Variants in MAGEA1 observed in about 807,000 individuals in gnomAD.
MAGEA1 encodes the protein MAGE family member A1, also known as melanoma-associated antigen 1.
For missense variants in MAGEA1, 182 were observed against 233.7 expected (o/e 0.78, Z 1.44); for synonymous variants, 101 against 96.7 (o/e 1.04, Z -0.26).
chrX:153,180,283 C>T (rs1556943781), intron 1 of MAGEA1, among the ~76,000 whole-genome samples: 2 of 111,450 alleles, frequency 1.8e-5, no homozygotes, highest in Non-Finnish European at 3.8e-5. Context: ...CATCAAGGTC[C>T]AGGCATCCGC....
chrX:153,183,238 G>T lies in MAGEA1; in HGVS notation c.849G>T (p.Val283=), dbSNP rs782214863. 1 of 1,210,749 alleles carries T rather than the reference G, an allele frequency of 8.3e-7. No individual in the cohort carries two copies. The highest frequency in any genetic ancestry group is 1.1e-6 in the Non-Finnish European group (1 of 895,260). Residue 283 remains valine, a synonymous_variant, in exon 3 of 3, where the codon GTG becomes GTT. Coordinates refer to ENST00000356661, the MANE Select transcript of MAGEA1 (RefSeq NM_004988.5). ...ETSYVKVLEY[V]IKVSARVRFF... Reference sequence around the variant, plus strand: ...GCTATGTGAAAGTCCTTGAGTATGTGATCAAGGTCAGTGCAAGAGTTCGCT... The same window carrying T: ...GCTATGTGAAAGTCCTTGAGTATGTTATCAAGGTCAGTGCAAGAGTTCGCT...
intron 1 of MAGEA1, among the ~76,000 whole-genome samples, chrX:153,179,820 GC>G (rs2051483648): frequency 1.9e-5 from 2 of 104,052 alleles, no homozygotes; most frequent in African/African-American, 7.1e-5. Context: ...CACCCTCACT[GC>G]CCCCAACCCC....
At position 153,182,928 on chromosome X, in the gene MAGEA1, A is replaced by G; in HGVS notation, c.539A>G (p.Asp180Gly). The G allele has an allele frequency of 8.3e-7, 1 of 1,211,784 alleles. No individual in the cohort carries two copies. Among genetic ancestry groups the G allele is most frequent in the African/African-American group, 1.7e-5 (1 of 57,781 alleles). ...VLVTCLGLSY[D>G]GLLGDNQIMP... ...GTCACCTGCCTAGGTCTCTCCTATG[A>G]TGGCCTGCTGGGTGATAATCAGATC... is the stretch of plus-strand genomic sequence containing the variant. Residue 180 changes from aspartate to glycine, a missense_variant, in exon 3 of 3, where the codon GAT becomes GGT. Coordinates refer to ENST00000356661, the MANE Select transcript of MAGEA1 (RefSeq NM_004988.5).
Position 153,180,792 on chromosome X carries a change from C to T in MAGEA1, c.-138-1385C>T, listed in dbSNP as rs371205669. On this transcript the variant is annotated intron_variant, in intron 1 of 2. Transcript: ENST00000356661. The stretch of plus-strand genomic sequence containing the variant: ...TCCAGGGCACGGTGGCCACATATGG[C>T]CCATATTTCCTGCATCTTTGAGGTG... Among the ~76,000 whole-genome samples the T allele has an allele frequency of 1.1e-4, 12 of 111,308 alleles. No individual in the cohort carries two copies. The East Asian group carries it at 2.9e-3, about 27-fold the overall frequency.
chrX:153,180,020 G>A (rs183763083), intron 1 of MAGEA1, among the ~76,000 whole-genome samples: 2 of 108,420 alleles, frequency 1.8e-5, no homozygotes, highest in Non-Finnish European at 3.8e-5. Flanking sequence ...TCCACTGAGG[G>A]GAGTGGTTTT....
intron 1 of MAGEA1, among the ~76,000 whole-genome samples, chrX:153,181,464 C>T (rs781982286): frequency 9.9e-5 from 11 of 111,530 alleles, no homozygotes; most frequent in Non-Finnish European, 1.7e-4. Context: ...TGGGCTGGGC[C>T]GTCTGCCGAG....
Position 153,182,774 on chromosome X carries a change from C to T in MAGEA1, c.385C>T (p.Leu129=). 8.3e-7 allele frequency: 1 copy of T among 1,211,864 alleles called. No homozygotes were observed. ...GGAGCCAGTCACAAAGGCAGAAATGCTGGAGAGTGTCATCAAAAATTACAA... is the reference window on the plus strand; with the variant it reads ...GGAGCCAGTCACAAAGGCAGAAATGTTGGAGAGTGTCATCAAAAATTACAA... ...AREPVTKAEM[L]ESVIKNYKHC... is the part of the protein sequence containing the mutation. The change falls in exon 3 of 3, where the codon CTG becomes TTG. Residue 129 remains leucine (L), a synonymous_variant. Coordinates refer to ENST00000356661, the MANE Select transcript of MAGEA1 (RefSeq NM_004988.5).
intron 1 of MAGEA1, among the ~76,000 whole-genome samples, chrX:153,181,717 C>T (rs2051494584): frequency 8.9e-6 from 1 of 111,812 alleles, no homozygotes; most frequent in African/African-American, 3.3e-5. Flanking sequence ...CATTCCTTAT[C>T]ATGGATGTGA....
In MAGEA1 at chrX:153,183,342, G is replaced by T; in HGVS notation, c.*23G>T. On this transcript the variant is annotated 3_prime_UTR_variant, in exon 3 of 3. Coordinates refer to ENST00000356661, the MANE Select transcript of MAGEA1 (RefSeq NM_004988.5). ...TGAGCATGAGTTGCAGCCAAGGCCAGTGGGAGGGGGACTGGGCCAGTGCAC... is the reference window on the plus strand; with the variant it reads ...TGAGCATGAGTTGCAGCCAAGGCCATTGGGAGGGGGACTGGGCCAGTGCAC... 1 of 1,189,043 alleles carries T rather than the reference G, an allele frequency of 8.4e-7. No homozygotes were observed. Among genetic ancestry groups the T allele is most frequent in the Non-Finnish European group, 1.1e-6 (1 of 881,295 alleles).
Position 153,182,464 on chromosome X carries a change from G to T in MAGEA1, c.75G>T (p.Leu25=). 1 of 1,211,232 alleles carries T rather than the reference G, an allele frequency of 8.3e-7. No homozygotes were observed. The highest frequency in any genetic ancestry group is 2.2e-5 in the Admixed American group (1 of 46,067). The change falls in exon 3 of 3, where the codon CTG becomes CTT. Residue 25 remains leucine, a synonymous_variant. Transcript: ENST00000356661. ...ALEAQQEALG[L]VCVQAATSSS... ...AGGCCCAACAAGAGGCCCTGGGCCT[G>T]GTGTGTGTGCAGGCTGCCACCTCCT...
intron 1 of MAGEA1, among the ~76,000 whole-genome samples, chrX:153,180,697 G>A (rs1602750527): frequency 1.8e-5 from 2 of 111,862 alleles, no homozygotes; most frequent in Non-Finnish European, 3.8e-5. Flanking sequence ...CAAGGCTTAC[G>A]CGGAGGAAGA....
rs1283658297 is a variant in MAGEA1, at chrX:153,182,655, G to A, written c.266G>A (p.Ser89Asn). ...GSSSREEEGP[S>N]TSCILESLFR... ...AGCAGCCGTGAAGAGGAGGGGCCAA[G>A]CACCTCTTGTATCCTGGAGTCCTTG... The change falls in exon 3 of 3, where the codon AGC (serine) becomes AAC (asparagine). Residue 89 changes from serine (S) to asparagine (N), a missense_variant. Ser to Asn is a conservative substitution (Grantham distance 46, BLOSUM62 1). Coordinates refer to ENST00000356661, the MANE Select transcript of MAGEA1 (RefSeq NM_004988.5). The A allele has an allele frequency of 1.7e-6, 2 of 1,210,272 alleles. No individual in the cohort carries two copies. The highest frequency in any genetic ancestry group is 2.2e-6 in the Non-Finnish European group (2 of 895,255).
intron 2 of MAGEA1, 30 bp downstream of exon 2, chrX:153,182,279 G>T (rs1405251847): frequency 2.0e-6 from 2 of 993,415 alleles, no homozygotes; most frequent in Non-Finnish European, 2.9e-6. Context: ...AGTCTCCAAG[G>T]TTCAGTTCTC....
At chrX:153,181,111 G>C (rs1319814931) in intron 1 of MAGEA1, among the ~76,000 whole-genome samples, 6 of 110,566 alleles carry the variant, frequency 5.4e-5, no homozygotes, top group African/African-American at 2.0e-4. Context: ...GGGAATTGGG[G>C]GTTGAGGAAG....
At position 153,182,267 on chromosome X, in the gene MAGEA1, A is replaced by T; in HGVS notation, c.-66+18A>T. The stretch of plus-strand genomic sequence containing the variant: ...GAAGATCTGTAAGTAGGCCTTTGTT[A>T]GAGTCTCCAAGGTTCAGTTCTCAGC... On this transcript the variant is annotated intron_variant, in intron 2 of 2. Coordinates refer to ENST00000356661, the MANE Select transcript of MAGEA1 (RefSeq NM_004988.5). 1 of 988,080 alleles carries T rather than the reference A, an allele frequency of 1.0e-6. No individual in the cohort carries two copies. Among genetic ancestry groups the T allele is most frequent in the Non-Finnish European group, 1.4e-6 (1 of 693,226 alleles). The allele number at this position is 988,080 out of a possible 1,213,427, so 81.4% of individuals were successfully genotyped here.
In MAGEA1 at chrX:153,182,482, C is replaced by A; in HGVS notation, c.93C>A (p.Ala31=). Residue 31 remains alanine, a synonymous_variant, in exon 3 of 3, where the codon GCC becomes GCA. Coordinates refer to ENST00000356661, the MANE Select transcript of MAGEA1 (RefSeq NM_004988.5). ...TGGGCCTGGTGTGTGTGCAGGCTGC[C>A]ACCTCCTCCTCCTCTCCTCTGGTCC... ...EALGLVCVQA[A]TSSSSPLVLG... is the part of the protein sequence containing the mutation. 8.3e-7 allele frequency: 1 copy of A among 1,209,514 alleles called. No individual in the cohort carries two copies. The highest frequency in any genetic ancestry group is 1.1e-6 in the Non-Finnish European group (1 of 894,014).
At chrX:153,181,150 T>G (rs2051490915) in intron 1 of MAGEA1, among the ~76,000 whole-genome samples, 1 of 110,085 alleles carries the variant, frequency 9.1e-6, no homozygotes, top group African/African-American at 3.3e-5. Flanking sequence ...TAAAGATGAG[T>G]GAGACAGACA....
Position 153,182,619 on chromosome X carries a change from G to T in MAGEA1, c.230G>T (p.Ser77Ile), listed in dbSNP as rs782627136. ...TINFTRQRQPSEGSSSREEEG... is the reference protein window; with the variant it reads ...TINFTRQRQPIEGSSSREEEG... Reference sequence around the variant, plus strand: ...AACTTCACTCGACAGAGGCAACCCAGTGAGGGTTCCAGCAGCCGTGAAGAG... The same window carrying T: ...AACTTCACTCGACAGAGGCAACCCATTGAGGGTTCCAGCAGCCGTGAAGAG... Residue 77 changes from serine (S) to isoleucine (I), a missense_variant, in exon 3 of 3, where the codon AGT becomes ATT. Transcript: ENST00000356661. 3.3e-6 allele frequency: 4 copies of T among 1,211,486 alleles called. No individual in the cohort carries two copies. The highest frequency in any genetic ancestry group is 2.2e-5 in the Admixed American group (1 of 46,083).
Position 153,182,644 on chromosome X carries a change from G to A in MAGEA1, c.255G>A (p.Glu85=), listed in dbSNP as rs1556944116. ...GTGAGGGTTCCAGCAGCCGTGAAGA[G>A]GAGGGGCCAAGCACCTCTTGTATCC... is the stretch of plus-strand genomic sequence containing the variant. ...QPSEGSSSRE[E]EGPSTSCILE... is the part of the protein sequence containing the mutation. The change falls in exon 3 of 3, where the codon GAG becomes GAA. Residue 85 remains glutamate (E), a synonymous_variant. Coordinates refer to ENST00000356661, the MANE Select transcript of MAGEA1 (RefSeq NM_004988.5). 1 of 1,210,187 alleles carries A rather than the reference G, an allele frequency of 8.3e-7. No individual in the cohort carries two copies.
Sources: allele counts gnomAD v4.1 joint callset (sites outside exome capture counted in the v4.1 genomes callset), GRCh38; gene constraint gnomAD v4.1.1; transcripts MANE v1.5; gene names NCBI Gene and HGNC (gene_info 2026-07-23, HGNC 2026-07-21).